Variants in JAKMIP3 observed in about 807,000 individuals in gnomAD.
JAKMIP3 encodes Janus kinase and microtubule interacting protein 3.
JAKMIP3 carries 58 observed loss-of-function variants against 118.5 expected under a neutral mutation model. The observed-to-expected ratio is 0.49, with a 90% confidence interval of 0.40 to 0.61. The LOEUF is 0.61. Among genes scored for constraint, JAKMIP3 ranks in the 20% least tolerant of loss-of-function variants. JAKMIP3 has a pLI of 0.00. For synonymous variants in JAKMIP3, 486 were observed against 451.2 expected (o/e 1.08, Z -0.98); for missense variants, 950 against 1,109.0 (o/e 0.86, Z 2.04).
chr10:132,104,217 C>A (rs1382995960), intron 1 of JAKMIP3, among the ~76,000 whole-genome samples: 1 of 151,878 alleles, frequency 6.6e-6, no homozygotes, highest in Non-Finnish European at 1.5e-5. Flanking sequence ...CTGCTTTCCG[C>A]ACTTCTGGGC....
Position 132,168,330 on chromosome 10 carries a change from T to C in JAKMIP3, c.*400T>C, listed in dbSNP as rs1388735465. ...CGCGGGTCCCCTCCTCTCTCTTGGT[T>C]CTCACAGTAGCTGCCACTGGTGTCT... On this transcript the variant is annotated 3_prime_UTR_variant, in exon 23 of 24. Coordinates refer to ENST00000684848, the MANE Select transcript of JAKMIP3 (RefSeq NM_001323087.2). 7.8e-7 allele frequency: 1 copy of C among 1,289,370 alleles called. No homozygotes were observed. Among genetic ancestry groups the C allele is most frequent in the Non-Finnish European group, 1.0e-6 (1 of 988,844 alleles). 79.9% of individuals were successfully genotyped at this position (1,289,370 alleles called of 1,614,324 possible). A position where few individuals can be genotyped will look rare whatever the true frequency, so the allele number is the denominator to read the frequency against.
At chr10:132,056,501 C>T (rs1410122091) in intron 1 of JAKMIP3, among the ~76,000 whole-genome samples, 1 of 152,176 alleles carries the variant, frequency 6.6e-6, no homozygotes, top group African/African-American at 2.4e-5. Context: ...GTGTTCCATC[C>T]CCTTTGTGGC....
intron 2 of JAKMIP3, among the ~76,000 whole-genome samples, chr10:132,107,087 G>T (rs1023921462): frequency 1.3e-5 from 2 of 150,234 alleles, no homozygotes; most frequent in African/African-American, 4.9e-5. Flanking sequence ...TAGAGACTGG[G>T]TCTCGCCATT....
chr10:132,052,707 T>G (rs1203848845), intron 1 of JAKMIP3, among the ~76,000 whole-genome samples: 1 of 152,200 alleles, frequency 6.6e-6, no homozygotes, highest in African/African-American at 2.4e-5. Flanking sequence ...TTTATTACAT[T>G]TGTTATTTCT....
intron 14 of JAKMIP3, 121 bp downstream of exon 14, chr10:132,148,171 T>C (rs903886395): frequency 6.0e-6 from 3 of 503,120 alleles, no homozygotes; most frequent in Non-Finnish European, 1.1e-5. Context: ...CCCAAAAGGC[T>C]GCGTCAGGGA....
At chr10:132,164,556 C>T (rs1354560657) in intron 20 of JAKMIP3, 114 bp from the exon 21 acceptor site, 5 of 713,990 alleles carry the variant, frequency 7.0e-6, no homozygotes, top group Non-Finnish European at 1.2e-5. Context: ...GGGCCATGGC[C>T]ATGCCAGCTG....
intron 1 of JAKMIP3, among the ~76,000 whole-genome samples, chr10:132,092,906 C>A (rs1049610035): frequency 2.6e-5 from 4 of 152,140 alleles, no homozygotes; most frequent in Non-Finnish European, 5.9e-5. Context: ...GTTTTATCTA[C>A]CTTTGATCTT....
At chr10:132,076,573 G>C (rs1302720292) in intron 1 of JAKMIP3, among the ~76,000 whole-genome samples, 1 of 152,036 alleles carries the variant, frequency 6.6e-6, no homozygotes, top group East Asian at 1.9e-4. Context: ...TGGTGTGAGG[G>C]CTGGCCTGTG....
rs563894199 is a variant in JAKMIP3, at chr10:132,180,782, T to C, written c.*1104-1575T>C. On this transcript the variant is annotated intron_variant, in intron 23 of 23. Transcript: ENST00000684848. ...GTGCGTGTGTGTGCGTGTGTGTGTGTGCGCGTATGCATGTGCTGTGAGTGG... is the reference window on the plus strand; with the variant it reads ...GTGCGTGTGTGTGCGTGTGTGTGTGCGCGCGTATGCATGTGCTGTGAGTGG... 4.1e-3 allele frequency among the ~76,000 whole-genome samples: 247 copies of C among 60,622 alleles called. 61 individuals carry two copies. The highest frequency in any genetic ancestry group is 0.019 in the African/African-American group (230 of 12,400). 39.8% of individuals were successfully genotyped at this position (60,622 alleles called of 152,430 possible).
rs768169219 is a variant in JAKMIP3 at position 132,112,407 on chromosome 10, A to G, written c.136-4670A>G. Among the ~76,000 whole-genome samples, 14 of 152,176 alleles carry G rather than the reference A, an allele frequency of 9.2e-5. No homozygotes were observed. The highest frequency in any genetic ancestry group is 1.5e-4 in the Non-Finnish European group (10 of 68,028). Reference sequence around the variant, plus strand: ...GCCCAGAGAGGGCAGCGAGGAGGCCATACTCTTGGACTTCACCCACCTCAT... The same window carrying G: ...GCCCAGAGAGGGCAGCGAGGAGGCCGTACTCTTGGACTTCACCCACCTCAT... On this transcript the variant is annotated intron_variant, in intron 2 of 23. Coordinates refer to ENST00000684848, the MANE Select transcript of JAKMIP3 (RefSeq NM_001323087.2). This position sits in a 1 kb window ranked among gnomAD's most constrained non-coding sequence, Gnocchi z 4.3.
intron 1 of JAKMIP3, among the ~76,000 whole-genome samples, chr10:132,046,808 G>GGCC (rs2037931847): frequency 6.6e-6 from 1 of 152,152 alleles, no homozygotes; most frequent in Non-Finnish European, 1.5e-5. Flanking sequence ...GAGCTATCTG[G>GGCC]GCCAAGCTTG....
chr10:132,046,236 C>G (rs949206134), intron 1 of JAKMIP3, among the ~76,000 whole-genome samples: 1 of 152,130 alleles, frequency 6.6e-6, no homozygotes, highest in African/African-American at 2.4e-5. Flanking sequence ...GGGCAGATCA[C>G]AAGGTCAGGA....
At position 132,121,614 on chromosome 10, in the gene JAKMIP3, C is replaced by T. The variant is rs573925012; in HGVS notation, c.633+4040C>T. On this transcript the variant is annotated intron_variant, in intron 3 of 23. Transcript: ENST00000684848. ...TCCCTCGAGAGCTGTCCCATGATGG[C>T]CTCCACCCCCAGGTGTGGGCACATT... 4.6e-5 allele frequency among the ~76,000 whole-genome samples: 7 copies of T among 152,298 alleles called. No individual in the cohort carries two copies. The South Asian group carries it at 1.4e-3, about 32-fold the overall frequency.
chr10:132,166,954 G>T (rs115780958), intron 21 of JAKMIP3, 29 bp from the exon 22 acceptor site: 1 of 1,461,568 alleles, frequency 6.8e-7, no homozygotes, highest in South Asian at 1.2e-5. Flanking sequence ...CTTTCCTTCC[G>T]TTTCTCCATC....
In JAKMIP3 at chr10:132,044,919, C is replaced by T. The variant is rs866697428; in HGVS notation, c.-138+8181C>T. ...GGCGTGCTTCACCGTGTTGCATGCG[C>T]GTCAGGATTTCCTTCCTTGAAGGCT... On this transcript the variant is annotated intron_variant, in intron 1 of 23. Coordinates refer to the JAKMIP3 transcript ENST00000657785. This position sits in a 1 kb window ranked among gnomAD's most constrained non-coding sequence, Gnocchi z 5.3. 6.6e-6 allele frequency among the ~76,000 whole-genome samples: 1 copy of T among 151,920 alleles called. No individual in the cohort carries two copies. The highest frequency in any genetic ancestry group is 2.1e-4 in the South Asian group (1 of 4,814).
At chr10:132,090,078 A>G (rs956983452) in intron 1 of JAKMIP3, among the ~76,000 whole-genome samples, 2 of 152,158 alleles carry the variant, frequency 1.3e-5, no homozygotes, top group Non-Finnish European at 2.9e-5. Flanking sequence ...CATGGTGGAT[A>G]AGCTTTTTGA....
intron 17 of JAKMIP3, 49 bp from the exon 18 acceptor site, chr10:132,153,710 G>A (rs1468884816): frequency 6.3e-7 from 1 of 1,582,332 alleles, no homozygotes; most frequent in South Asian, 1.1e-5. Flanking sequence ...CACGAGCCGG[G>A]GTGGGGGACC....
chr10:132,155,587 T>G (rs1209827332), intron 19 of JAKMIP3, among the ~76,000 whole-genome samples: 1 of 152,168 alleles, frequency 6.6e-6, no homozygotes, highest in African/African-American at 2.4e-5. Flanking sequence ...AGCCAGTGTG[T>G]GAGCCATGGG....
chr10:132,132,029 C>A (rs1338143453), intron 3 of JAKMIP3, among the ~76,000 whole-genome samples: 2 of 152,216 alleles, frequency 1.3e-5, no homozygotes, highest in Non-Finnish European at 2.9e-5. Context: ...GGCACAGCTG[C>A]TGATGGACAC....
Sources: allele counts gnomAD v4.1 joint callset (sites outside exome capture counted in the v4.1 genomes callset), GRCh38; gene constraint gnomAD v4.1.1; non-coding constraint Gnocchi (gnomAD v3.1); transcripts MANE v1.5; gene names NCBI Gene and HGNC (gene_info 2026-07-23, HGNC 2026-07-21).